Variants in PDE4B observed in about 807,000 individuals in gnomAD.
The protein encoded by PDE4B is 3',5'-cyclic-AMP phosphodiesterase 4B.
Under a neutral mutation model 82.2 loss-of-function variants are expected in PDE4B, and 20 were observed. That is an observed-to-expected ratio of 0.24 (90% CI 0.17 to 0.35). The LOEUF is 0.35. PDE4B is among the 10% of genes least tolerant of loss of function. The pLI, the probability that PDE4B is intolerant of heterozygous loss-of-function variation, is 1.00. For synonymous variants in PDE4B, 320 were observed against 318.9 expected, an observed-to-expected ratio of 1.00 and a Z score of -0.04; for missense variants, 655 against 907.2, an observed-to-expected ratio of 0.72 and a Z score of 3.57.
At chr1:66,323,819 C>G (rs1659573798) in intron 7 of PDE4B, among the ~76,000 whole-genome samples, 1 of 152,072 alleles carries the variant, frequency 6.6e-6, no homozygotes, top group Non-Finnish European at 1.5e-5. Flanking sequence ...CAGTCTAACC[C>G]CAGAGACCAA....
At chr1:65,887,238 CTTT>C (rs1646793451) in intron 1 of PDE4B, among the ~76,000 whole-genome samples, 9 of 19,680 alleles carry the variant, frequency 4.6e-4, no homozygotes, top group Admixed American at 6.5e-4. Flanking sequence ...TTCTTTCTTT[CTTT>C]CTTTCTTTTC....
chr1:65,911,471 T>C (rs1647090224), intron 1 of PDE4B, among the ~76,000 whole-genome samples: 1 of 152,166 alleles, frequency 6.6e-6, no homozygotes, highest in African/African-American at 2.4e-5. Flanking sequence ...ATATCCTGCG[T>C]TTAAAACACA....
chr1:66,004,133 C>T (rs1181896832), intron 3 of PDE4B, among the ~76,000 whole-genome samples: 4 of 152,042 alleles, frequency 2.6e-5, no homozygotes, highest in African/African-American at 9.7e-5. Flanking sequence ...TTCATTAGGC[C>T]TTTATGAAGA....
At chr1:66,301,976 A>T (rs2101840232) in intron 7 of PDE4B, among the ~76,000 whole-genome samples, 1 of 152,270 alleles carries the variant, frequency 6.6e-6, no homozygotes, top group South Asian at 2.1e-4. Context: ...TTTGTTTAGG[A>T]GGTGGCCATT....
chr1:66,244,310 T>C (rs1189383034), intron 3 of PDE4B, among the ~76,000 whole-genome samples: 1 of 152,226 alleles, frequency 6.6e-6, no homozygotes, highest in Non-Finnish European at 1.5e-5. Context: ...GTCTACGTTT[T>C]ATATAATATT....
intron 1 of PDE4B, among the ~76,000 whole-genome samples, chr1:65,834,976 C>T (rs1410462924): frequency 6.6e-6 from 1 of 152,166 alleles, no homozygotes; most frequent in Non-Finnish European, 1.5e-5. Context: ...ACCACTCTAT[C>T]CATCTATAGC....
intron 3 of PDE4B, among the ~76,000 whole-genome samples, chr1:66,091,866 T>C (rs1473227219): frequency 6.6e-6 from 1 of 152,134 alleles, no homozygotes; most frequent in Non-Finnish European, 1.5e-5. Flanking sequence ...TAATTGTTTT[T>C]TCCTTCTATA....
At chr1:66,309,998 T>C (rs749969270) in intron 7 of PDE4B, among the ~76,000 whole-genome samples, 4 of 152,150 alleles carry the variant, frequency 2.6e-5, no homozygotes, top group Non-Finnish European at 5.9e-5. Context: ...TCCAGGCTGA[T>C]GATAGCAGGC....
chr1:66,213,345 C>A (rs887203570), intron 3 of PDE4B, among the ~76,000 whole-genome samples: 19 of 152,028 alleles, frequency 1.2e-4, no homozygotes, highest in African/African-American at 4.6e-4. Context: ...GTCTTAAAAT[C>A]CTTTTCAAGA....
chr1:65,989,568 A>C (rs1368611570), intron 3 of PDE4B, among the ~76,000 whole-genome samples: 1 of 152,234 alleles, frequency 6.6e-6, no homozygotes, highest in Non-Finnish European at 1.5e-5. Flanking sequence ...TGGATTTCTC[A>C]AATAATTCTC....
At chr1:65,824,174 A>G (rs1645988126) in intron 1 of PDE4B, among the ~76,000 whole-genome samples, 1 of 152,142 alleles carries the variant, frequency 6.6e-6, no homozygotes, top group Admixed American at 6.5e-5. Flanking sequence ...TTTTTTGTAA[A>G]ATCAATCAAT....
At chr1:65,825,705 C>CCTGTCTGTCTGTCTATCTATCTAT (rs752252352) in intron 1 of PDE4B, among the ~76,000 whole-genome samples, 2 of 107,374 alleles carry the variant, frequency 1.9e-5, no homozygotes, top group African/African-American at 6.5e-5. Flanking sequence ...AACAAAATTA[C>CCTGTCTGTCTGTCTATCTATCTAT]CTATCTATCT....
chr1:66,004,275 A>T (rs1476406172), intron 3 of PDE4B, among the ~76,000 whole-genome samples: 1 of 152,166 alleles, frequency 6.6e-6, no homozygotes, highest in Non-Finnish European at 1.5e-5. Context: ...ATGTATCATA[A>T]TGTAAACTAC....
intron 3 of PDE4B, among the ~76,000 whole-genome samples, chr1:66,172,354 A>G (rs922960690): frequency 6.6e-6 from 1 of 152,200 alleles, no homozygotes; most frequent in Non-Finnish European, 1.5e-5. Flanking sequence ...TTCACTGTGA[A>G]TGGGCACCTA....
chr1:66,210,357 G>A (rs1330151124), intron 3 of PDE4B, among the ~76,000 whole-genome samples: 2 of 152,026 alleles, frequency 1.3e-5, no homozygotes, highest in South Asian at 2.1e-4. Flanking sequence ...CAGCATTTTG[G>A]GAGGTCAAGC....
intron 3 of PDE4B, among the ~76,000 whole-genome samples, chr1:66,063,921 T>C (rs1655710526): frequency 6.6e-6 from 1 of 151,998 alleles, no homozygotes; most frequent in African/African-American, 2.4e-5. Context: ...CTGAGTCCTC[T>C]GAAATGAACA....
chr1:66,002,091 T>C (rs985049188), intron 3 of PDE4B, among the ~76,000 whole-genome samples: 5 of 152,160 alleles, frequency 3.3e-5, no homozygotes, highest in Non-Finnish European at 1.5e-5. Context: ...CACTTTATAG[T>C]CTTACTAGCT....
Position 66,026,491 on chromosome 1 carries a change from T to C in PDE4B, c.281+107656T>C, listed in dbSNP as rs187467383. ...GTATATGTCCCTGTTCTGCTACCTATGGTAACAGGACAGAAGCATTTAATC... is the reference window on the plus strand; with the variant it reads ...GTATATGTCCCTGTTCTGCTACCTACGGTAACAGGACAGAAGCATTTAATC... On this transcript the variant is annotated intron_variant, in intron 3 of 16. Transcript: ENST00000341517. Among the ~76,000 whole-genome samples the C allele has an allele frequency of 2.7e-4, 41 of 152,334 alleles. No individual in the cohort carries two copies. In the East Asian group the frequency reaches 7.5e-3, roughly 28 times the overall value.
chr1:65,826,375 C>G (rs549280156), intron 1 of PDE4B, among the ~76,000 whole-genome samples: 1 of 152,188 alleles, frequency 6.6e-6, no homozygotes, highest in South Asian at 2.1e-4. Flanking sequence ...TTTGCTGAGG[C>G]TGAGTGTGGC....
Sources: allele counts gnomAD v4.1 joint callset (sites outside exome capture counted in the v4.1 genomes callset), GRCh38; gene constraint gnomAD v4.1.1; transcripts MANE v1.5; gene names NCBI Gene and HGNC (gene_info 2026-07-23, HGNC 2026-07-21).